SLC6A9: variants seen among roughly 807,000 people sequenced by gnomAD.
SLC6A9 encodes the protein sodium- and chloride-dependent glycine transporter 1.
Under a neutral mutation model 70.9 loss-of-function variants are expected in SLC6A9, and 31 were observed. The ratio of observed to expected loss-of-function variants is 0.44; its 90% CI spans 0.33 to 0.59. The LOEUF (loss-of-function observed/expected upper bound fraction) is 0.59. SLC6A9 is among the 20% of genes least tolerant of loss of function. The pLI, the probability that SLC6A9 is intolerant of heterozygous loss-of-function variation, is 0.04. For missense variants in SLC6A9, 631 were observed against 845.2 expected (o/e 0.75, Z 3.14); for synonymous variants, 310 against 341.3 (o/e 0.91, Z 1.01).
chr1:44,000,552 C>T (rs529699587), intron 12 of SLC6A9, among the ~76,000 whole-genome samples: 1 of 152,252 alleles, frequency 6.6e-6, no homozygotes, highest in Non-Finnish European at 1.5e-5. Flanking sequence ...CTGTGGCACT[C>T]CCCTCCTAAC....
At chr1:44,025,491 CAAAA>C (rs924105808) in intron 1 of SLC6A9, among the ~76,000 whole-genome samples, 2 of 93,240 alleles carry the variant, frequency 2.1e-5, no homozygotes, top group African/African-American at 7.2e-5. Flanking sequence ...GGTTCCGTCT[CAAAA>C]AAAAAAAAAA....
In SLC6A9 at chr1:44,013,793, TG is replaced by T. The variant is rs1557686513; in HGVS notation, c.31-2912del. Among the ~76,000 whole-genome samples the T allele has an allele frequency of 2.0e-5, 3 of 152,332 alleles. No homozygotes were observed. Among genetic ancestry groups the T allele is most frequent in the African/African-American group, 7.2e-5 (3 of 41,584 alleles). On this transcript the variant is annotated intron_variant, in intron 2 of 13. Transcript: ENST00000372310. The surrounding 1 kb of genome is among the most constrained non-coding windows in gnomAD (Gnocchi z 5.3). ...TCCAAAAAAAAATCCAGGCACTTTC[TG>T]GGTGTTCTAGTTCCCTTCCTTGTCC...
At chr1:44,024,201 G>A (rs757198488) in intron 2 of SLC6A9, 47 bp downstream of exon 2, 2 of 1,597,288 alleles carry the variant, frequency 1.3e-6, no homozygotes, top group South Asian at 2.2e-5. Context: ...CCTGGGGGCA[G>A]GGCTTGGGAC....
At chr1:44,026,196 G>A (rs1286399370) in intron 1 of SLC6A9, among the ~76,000 whole-genome samples, 1 of 152,202 alleles carries the variant, frequency 6.6e-6, no homozygotes, top group Admixed American at 6.5e-5. Flanking sequence ...GGGCAAGTAG[G>A]GGAAGCGCGG....
At chr1:44,023,973 A>G (rs1248540480) in intron 2 of SLC6A9, among the ~76,000 whole-genome samples, 4 of 152,252 alleles carry the variant, frequency 2.6e-5, no homozygotes, top group African/African-American at 9.6e-5. Flanking sequence ...TCCTCTCAGC[A>G]TATGAGTGGC....
intron 2 of SLC6A9, among the ~76,000 whole-genome samples, chr1:44,016,729 C>G (rs1284320439): frequency 6.6e-6 from 1 of 152,110 alleles, no homozygotes; most frequent in Non-Finnish European, 1.5e-5. Flanking sequence ...AATTCCTGGG[C>G]ACCTCCGGCC....
At chr1:44,009,272 T>C (rs1412437445) in intron 4 of SLC6A9, among the ~76,000 whole-genome samples, 1 of 150,158 alleles carries the variant, frequency 6.7e-6, no homozygotes, top group Non-Finnish European at 1.5e-5. Context: ...CAGGCTGGAG[T>C]GCTGTGGCAT....
At chr1:44,004,431 G>A (rs903474829) in intron 5 of SLC6A9, among the ~76,000 whole-genome samples, 5 of 151,602 alleles carry the variant, frequency 3.3e-5, no homozygotes, top group Non-Finnish European at 5.9e-5. Context: ...CTGCAGCCTC[G>A]ACCTCCCAGT....
chr1:44,005,790 TG>T (rs2086285513), intron 5 of SLC6A9, among the ~76,000 whole-genome samples: 1 of 152,210 alleles, frequency 6.6e-6, no homozygotes, highest in South Asian at 2.1e-4. Flanking sequence ...GAAGCCAGCC[TG>T]GGTTGCTCTC....
intron 9 of SLC6A9, 33 bp downstream of exon 9, chr1:44,001,357 C>T: frequency 1.2e-6 from 2 of 1,613,222 alleles, no homozygotes; most frequent in South Asian, 1.1e-5. Flanking sequence ...CCTCCCTTCC[C>T]CAAGCCTCCG....
rs1471898864 is a variant in SLC6A9 at position 44,008,637 on chromosome 1, G to C, written c.320-14C>G. ...CATAGCCCACTCCTGCAGGAGGGGA[G>C]GGGTGGGGGGAGGAGCCTCAGCATC... On this transcript the variant is annotated splice_polypyrimidine_tract_variant and intron_variant, in intron 4 of 13. Transcript: ENST00000372310. 6.2e-7 allele frequency: 1 copy of C among 1,608,866 alleles called. No homozygotes were observed. Among genetic ancestry groups the C allele is most frequent in the Non-Finnish European group, 8.5e-7 (1 of 1,175,820 alleles).
chr1:44,005,848 G>A (rs747733910), intron 5 of SLC6A9, among the ~76,000 whole-genome samples: 5 of 152,236 alleles, frequency 3.3e-5, no homozygotes, highest in Non-Finnish European at 7.4e-5. Context: ...GCAGGGAGCC[G>A]TGCTGCCGGG....
chr1:44,028,873 G>T (rs1373269110), intron 1 of SLC6A9, among the ~76,000 whole-genome samples: 5 of 152,170 alleles, frequency 3.3e-5, no homozygotes, highest in African/African-American at 1.2e-4. Flanking sequence ...GGTTAGGAAG[G>T]TGACAATAGG....
intron 4 of SLC6A9, 88 bp from the exon 5 acceptor site, chr1:44,008,711 T>TC: frequency 2.9e-6 from 1 of 343,194 alleles, no homozygotes; most frequent in Non-Finnish European, 4.4e-6. Flanking sequence ...TTTTCTTTTC[T>TC]TTTTTTTTTT....
intron 1 of SLC6A9, among the ~76,000 whole-genome samples, chr1:44,026,482 A>T (rs1018172658): frequency 1.3e-5 from 2 of 152,136 alleles, no homozygotes; most frequent in Admixed American, 1.3e-4. Flanking sequence ...AATATGGCGA[A>T]ATCCCGTCTC....
At chr1:44,004,119 C>T (rs947629945) in intron 5 of SLC6A9, among the ~76,000 whole-genome samples, 10 of 151,918 alleles carry the variant, frequency 6.6e-5, no homozygotes, top group African/African-American at 2.4e-4. Flanking sequence ...CTCAGCCTCC[C>T]GAGTAGCTGG....
intron 2 of SLC6A9, among the ~76,000 whole-genome samples, chr1:44,021,481 G>T (rs1213135688): frequency 6.6e-6 from 1 of 152,164 alleles, no homozygotes; most frequent in Non-Finnish European, 1.5e-5. Flanking sequence ...GATAACACAG[G>T]GTGTCTGCCG....
intron 2 of SLC6A9, chr1:44,016,941 G>T: frequency 1.7e-6 from 2 of 1,169,062 alleles, no homozygotes; most frequent in Non-Finnish European, 2.3e-6. Flanking sequence ...GGCTGTGCCT[G>T]CCCCTCCCTG....
chr1:44,021,833 C>T (rs775031386), intron 2 of SLC6A9, among the ~76,000 whole-genome samples: 5 of 152,236 alleles, frequency 3.3e-5, no homozygotes, highest in South Asian at 2.1e-4. Context: ...CTGCCCTATG[C>T]ACCTCAGAGG....
Sources: gnomAD v4.1 joint callset for allele counts (sites outside exome capture counted in the v4.1 genomes callset) on GRCh38, gnomAD v4.1.1 for gene constraint, Gnocchi (gnomAD v3.1) non-coding constraint, MANE v1.5 for transcripts, NCBI Gene and HGNC (gene_info 2026-07-23, HGNC 2026-07-21) for gene names.